Variants in PDE11A observed in about 807,000 individuals in gnomAD.
The protein encoded by PDE11A is dual 3',5'-cyclic-AMP and -GMP phosphodiesterase 11A.
PDE11A carries 100 observed loss-of-function variants against 100.5 expected under a neutral mutation model. The observed-to-expected ratio is 1.00, with a 90% CI of 0.85 to 1.18. The LOEUF is 1.18. Ranked by LOEUF, PDE11A falls within the 50% of genes most tolerant of loss-of-function variation. The pLI, the probability that PDE11A is intolerant of heterozygous loss-of-function variation, is 0.00. For synonymous variants in PDE11A, 381 were observed against 420.8 expected, an observed-to-expected ratio of 0.91 and a Z score of 1.16; for missense variants, 1,141 against 1,152.6, an observed-to-expected ratio of 0.99 and a Z score of 0.15.
At chr2:177,904,631 T>C (rs1264041101) in intron 3 of PDE11A, among the ~76,000 whole-genome samples, 1 of 151,250 alleles carries the variant, frequency 6.6e-6, no homozygotes, top group Admixed American at 6.6e-5. Context: ...CTCCACTCAC[T>C]GTGACCTCCG....
chr2:178,018,244 C>A, intron 1 of PDE11A: 2 of 413,188 alleles, frequency 4.8e-6, no homozygotes, highest in South Asian at 2.2e-5. Context: ...TGCTTTGAAT[C>A]CTTGCTCTGC....
chr2:177,998,077 G>T, intron 2 of PDE11A: 2 of 1,309,404 alleles, frequency 1.5e-6, no homozygotes, highest in Non-Finnish European at 2.2e-6. Flanking sequence ...CACACACTCA[G>T]GATCTGAGGG....
chr2:177,817,648 TAATG>T (rs1451125317), intron 8 of PDE11A, among the ~76,000 whole-genome samples: 2 of 152,078 alleles, frequency 1.3e-5, no homozygotes, highest in African/African-American at 4.8e-5. Flanking sequence ...AAGATAAAAA[TAATG>T]GATGGTTACA....
At chr2:177,947,694 C>G (rs2085460255) in intron 2 of PDE11A, among the ~76,000 whole-genome samples, 2 of 151,824 alleles carry the variant, frequency 1.3e-5, no homozygotes, top group Admixed American at 1.3e-4. Context: ...TATCTGCTGA[C>G]CTTCCCTCCA....
At chr2:177,797,769 A>G (rs952530490) in intron 9 of PDE11A, among the ~76,000 whole-genome samples, 4 of 152,202 alleles carry the variant, frequency 2.6e-5, no homozygotes, top group African/African-American at 9.6e-5. Context: ...ATTTTGGAAA[A>G]CCACAAAAAT....
chr2:177,892,438 G>A (rs1558994581), intron 4 of PDE11A, among the ~76,000 whole-genome samples: 1 of 152,150 alleles, frequency 6.6e-6, no homozygotes, highest in Non-Finnish European at 1.5e-5. Flanking sequence ...ATTGATTATA[G>A]ATTTAAAAGT....
chr2:178,059,428 G>A (rs544917117), intron 1 of PDE11A, among the ~76,000 whole-genome samples: 2 of 152,332 alleles, frequency 1.3e-5, no homozygotes, highest in South Asian at 2.1e-4. Flanking sequence ...CAGGCACAGA[G>A]GTTGTCATCT....
chr2:177,823,564 G>A (rs11680652), intron 6 of PDE11A, among the ~76,000 whole-genome samples: 55,980 of 151,958 alleles, frequency 0.37, 11,107 homozygotes, highest in African/African-American at 0.51. Flanking sequence ...TGAGACTTAG[G>A]GAGATTAACT....
At chr2:177,939,376 G>A (rs1430756330) in intron 2 of PDE11A, among the ~76,000 whole-genome samples, 1 of 148,194 alleles carries the variant, frequency 6.7e-6, no homozygotes, top group Non-Finnish European at 1.5e-5. Flanking sequence ...AGTGAGGAAG[G>A]GAGGAAGGAA....
Position 177,850,578 on chromosome 2 carries a change from G to C in PDE11A, c.1368-10195C>G, listed in dbSNP as rs138883589. ...AGAGCTTCTGCACAGCAAAAGAAACGACCATCAGAGTGAACAGGCAACCTA... is the reference window on the plus strand; with the variant it reads ...AGAGCTTCTGCACAGCAAAAGAAACCACCATCAGAGTGAACAGGCAACCTA... On this transcript the variant is annotated intron_variant, in intron 5 of 19. Coordinates refer to ENST00000286063, the MANE Select transcript of PDE11A (RefSeq NM_016953.4). Among the ~76,000 whole-genome samples the C allele has an allele frequency of 1.7e-3, 251 of 151,664 alleles. 2 individuals are homozygous for C. The highest frequency in any genetic ancestry group is 5.6e-3 in the African/African-American group (233 of 41,316).
chr2:177,777,306 AT>A, intron 9 of PDE11A, among the ~76,000 whole-genome samples: 1 of 152,306 alleles, frequency 6.6e-6, no homozygotes, highest in African/African-American at 2.4e-5. Context: ...ACATAACCTC[AT>A]TAACCTAAGA....
chr2:177,764,249 T>C (rs1046781774), intron 10 of PDE11A, among the ~76,000 whole-genome samples: 11 of 152,194 alleles, frequency 7.2e-5, no homozygotes, highest in African/African-American at 2.2e-4. Context: ...GTCATTAACA[T>C]TGAAAACTTG....
chr2:177,772,081 T>C (rs1272682098), intron 9 of PDE11A, among the ~76,000 whole-genome samples: 1 of 152,184 alleles, frequency 6.6e-6, no homozygotes, highest in African/African-American at 2.4e-5. Context: ...ACAAAAAGTT[T>C]CTTTGTGTTA....
intron 12 of PDE11A, among the ~76,000 whole-genome samples, chr2:177,722,048 T>G (rs775853947): frequency 2.5e-4 from 38 of 152,136 alleles, no homozygotes; most frequent in Admixed American, 1.9e-3. Flanking sequence ...CTCCCTGACC[T>G]GGAGGATTTG....
At chr2:178,056,894 G>A (rs1034807640) in intron 1 of PDE11A, among the ~76,000 whole-genome samples, 3 of 152,064 alleles carry the variant, frequency 2.0e-5, no homozygotes, top group African/African-American at 7.2e-5. Flanking sequence ...CAGGCAAGAT[G>A]AAGGATAGGA....
At chr2:177,845,748 A>C (rs2083583473) in intron 5 of PDE11A, among the ~76,000 whole-genome samples, 1 of 152,194 alleles carries the variant, frequency 6.6e-6, no homozygotes. Flanking sequence ...ACCATTGAGC[A>C]CTGAGTGAAC....
At position 177,940,022 on chromosome 2, in the gene PDE11A, G is replaced by A. The variant is rs373679747; in HGVS notation, c.1072-34835C>T. Among the ~76,000 whole-genome samples, 303 of 152,170 alleles carry A rather than the reference G, an allele frequency of 2.0e-3. 1 individual carries two copies. Among genetic ancestry groups the A allele is most frequent in the Non-Finnish European group, 3.7e-3 (250 of 68,010 alleles). On this transcript the variant is annotated intron_variant, in intron 2 of 19. Coordinates refer to ENST00000286063, the MANE Select transcript of PDE11A (RefSeq NM_016953.4). ...TAAAAGAGTGAATCCTTCTGTTTTA[G>A]AGATATATAACTTAAATATTTGTGG...
chr2:177,737,930 T>C (rs1414649786), intron 10 of PDE11A, among the ~76,000 whole-genome samples: 1 of 152,134 alleles, frequency 6.6e-6, no homozygotes, highest in Non-Finnish European at 1.5e-5. Context: ...GATGAATGAG[T>C]GAAGGCTTGA....
In PDE11A at chr2:177,750,673, T is replaced by A. The variant is rs538490945; in HGVS notation, c.1788+18650A>T. ...TGTGGTCAAAACTGGCTGGGTGAAG[T>A]TAGTACTCTACCATTTGAGGCACAA... On this transcript the variant is annotated intron_variant, in intron 10 of 19. Coordinates refer to ENST00000286063, the MANE Select transcript of PDE11A (RefSeq NM_016953.4). Among the ~76,000 whole-genome samples, 35 of 152,350 alleles carry A rather than the reference T, an allele frequency of 2.3e-4. No individual in the cohort carries two copies. In the South Asian group the frequency reaches 7.0e-3, roughly 31 times the overall value.
Sources: gnomAD v4.1 joint callset for allele counts (sites outside exome capture counted in the v4.1 genomes callset) on GRCh38, gnomAD v4.1.1 for gene constraint, MANE v1.5 for transcripts, NCBI Gene and HGNC (gene_info 2026-07-23, HGNC 2026-07-21) for gene names.